CIBAR1: variants seen among roughly 807,000 people sequenced by gnomAD.
CIBAR1 encodes the protein CBY1-interacting BAR domain-containing protein 1.
CIBAR1 carries 25 observed loss-of-function variants against 44.0 expected under a neutral mutation model. The observed-to-expected ratio is 0.57, with a 90% CI of 0.41 to 0.79. The LOEUF (loss-of-function observed/expected upper bound fraction) is 0.79, where lower values mean the gene tolerates loss of function less well. Ranked by LOEUF, CIBAR1 falls within the 30% of genes least tolerant of loss-of-function variation. The probability of loss-of-function intolerance (pLI) is 0.00; values close to 1 mark genes in which losing one functional copy is unlikely to be tolerated. For missense variants in CIBAR1, 278 were observed against 344.8 expected (o/e 0.81, Z 1.53); for synonymous variants, 115 against 119.0 (o/e 0.97, Z 0.22).
intron 6 of CIBAR1, among the ~76,000 whole-genome samples, chr8:93,710,820 G>A (rs1195704772): frequency 7.1e-6 from 1 of 140,472 alleles, no homozygotes; most frequent in Admixed American, 7.5e-5. Flanking sequence ...CTGGGTGACA[G>A]AGCGAGACTC....
chr8:93,724,568 C>T (rs761721314), intron 7 of CIBAR1: 18 of 1,274,278 alleles, frequency 1.4e-5, no homozygotes, highest in South Asian at 7.5e-5. Context: ...TCAAGCGATC[C>T]GCCTGCGTTG....
In CIBAR1 at chr8:93,729,884, A is replaced by G. The variant is rs536517847; in HGVS notation, c.*1587A>G. 71 of 152,302 alleles carry G rather than the reference A, an allele frequency of 4.7e-4. No individual in the cohort carries two copies. The highest frequency in any genetic ancestry group is 1.7e-3 in the African/African-American group (71 of 41,566). 9.4% of individuals were successfully genotyped at this position (152,302 alleles called of 1,614,324 possible). ...TGTAAGTCTCCATCTCTTATCTCCA[A>G]AATAGGAATACAAATTGAGTATCCT... On this transcript the variant is annotated 3_prime_UTR_variant, in exon 9 of 9. Transcript: ENST00000518322.
chr8:93,705,232 G>C, intron 4 of CIBAR1: 1 of 427,272 alleles, frequency 2.3e-6, no homozygotes, highest in Non-Finnish European at 4.1e-6. Flanking sequence ...CTTTGCAAAC[G>C]AACAAACAAA....
intron 3 of CIBAR1, among the ~76,000 whole-genome samples, chr8:93,704,203 G>A (rs1194585518): frequency 6.6e-6 from 1 of 152,014 alleles, no homozygotes; most frequent in Non-Finnish European, 1.5e-5. Context: ...CATTATTATG[G>A]AAACTTTAAA....
At chr8:93,719,228 T>A (rs373811763) in intron 7 of CIBAR1, among the ~76,000 whole-genome samples, 2 of 152,188 alleles carry the variant, frequency 1.3e-5, no homozygotes, top group East Asian at 1.9e-4. Context: ...TAGATGAACT[T>A]TTATGATTTT....
chr8:93,711,010 C>CA (rs1554604992), intron 6 of CIBAR1, among the ~76,000 whole-genome samples: 1 of 152,024 alleles, frequency 6.6e-6, no homozygotes, highest in Non-Finnish European at 1.5e-5. Context: ...AATAAGTAAA[C>CA]AGGGTAATAG....
chr8:93,708,191 T>C (rs1458683384), intron 5 of CIBAR1, among the ~76,000 whole-genome samples, 175 bp downstream of exon 5: 2 of 152,198 alleles, frequency 1.3e-5, no homozygotes, highest in East Asian at 3.8e-4. Context: ...TAAATGATGA[T>C]ATATGTGACT....
At position 93,727,335 on chromosome 8, in the gene CIBAR1, T is replaced by C. The variant is rs7841747; in HGVS notation, c.777+822T>C. On this transcript the variant is annotated intron_variant, in intron 8 of 8. Transcript: ENST00000518322. Reference sequence around the variant, plus strand: ...TGTATGTATCTCTCCCCCAACCCAATTGTATTTTTTTTATTCCGGCATTAA... The same window carrying C: ...TGTATGTATCTCTCCCCCAACCCAACTGTATTTTTTTTATTCCGGCATTAA... 9.7e-3 allele frequency: 5,061 copies of C among 521,068 alleles called. 67 individuals carry two copies. Among genetic ancestry groups the C allele is most frequent in the South Asian group, 0.041 (2,023 of 48,988 alleles). 32.3% of individuals were successfully genotyped at this position (521,068 alleles called of 1,614,324 possible).
intron 6 of CIBAR1, 91 bp downstream of exon 6, chr8:93,709,966 CATA>C (rs953742606): frequency 7.0e-5 from 62 of 890,806 alleles, no homozygotes; most frequent in Non-Finnish European, 1.1e-4. Context: ...TTTTTTAGCC[CATA>C]ATACCCCTTA....
At chr8:93,727,851 CCTT>C (rs1251386454) in intron 8 of CIBAR1, among the ~76,000 whole-genome samples, 2 of 152,146 alleles carry the variant, frequency 1.3e-5, no homozygotes, top group African/African-American at 2.4e-5. Context: ...GCTGAAATAT[CCTT>C]CTATTTTTGC....
At chr8:93,728,174 T>G in intron 8 of CIBAR1, 31 bp from the exon 9 acceptor site, 1 of 1,404,336 alleles carries the variant, frequency 7.1e-7, no homozygotes, top group Non-Finnish European at 9.5e-7. Context: ...GTTAGTATTT[T>G]TATTTTAAAA....
chr8:93,709,973 C>A, intron 6 of CIBAR1, 98 bp downstream of exon 6: 1 of 845,888 alleles, frequency 1.2e-6, no homozygotes, highest in Non-Finnish European at 1.9e-6. Context: ...GCCCATAATA[C>A]CCCTTATAAA....
At chr8:93,719,140 A>G (rs1181527224) in intron 7 of CIBAR1, among the ~76,000 whole-genome samples, 1 of 152,200 alleles carries the variant, frequency 6.6e-6, no homozygotes, top group Non-Finnish European at 1.5e-5. Context: ...CTGGGATTAC[A>G]GGCATGAACC....
intron 6 of CIBAR1, among the ~76,000 whole-genome samples, chr8:93,710,264 G>A (rs1486696812): frequency 2.6e-5 from 4 of 151,884 alleles, no homozygotes; most frequent in Non-Finnish European, 4.4e-5. Context: ...TCCAGCCTGG[G>A]CAACAGAGCC....
chr8:93,710,056 A>C (rs1810760770), intron 6 of CIBAR1, among the ~76,000 whole-genome samples, 181 bp downstream of exon 6: 1 of 152,062 alleles, frequency 6.6e-6, no homozygotes, highest in South Asian at 2.1e-4. Context: ...AGGCCAAGGC[A>C]GGTGGATCAG....
chr8:93,708,583 C>T (rs1386797997), intron 5 of CIBAR1, among the ~76,000 whole-genome samples: 6 of 152,046 alleles, frequency 3.9e-5, no homozygotes, highest in African/African-American at 9.7e-5. Context: ...GTTAGACTTG[C>T]CATCTAATTT....
At chr8:93,725,495 A>C (rs1382077766) in intron 7 of CIBAR1, among the ~76,000 whole-genome samples, 2 of 152,140 alleles carry the variant, frequency 1.3e-5, no homozygotes, top group African/African-American at 4.8e-5. Flanking sequence ...GGAGGTGAAA[A>C]GCTCAATTGT....
rs563268793 is a variant in CIBAR1 at position 93,706,383 on chromosome 8, C to G, written c.432+1373C>G. Among the ~76,000 whole-genome samples the G allele has an allele frequency of 2.1e-4, 24 of 117,024 alleles. No homozygotes were observed. The South Asian group carries it at 6.4e-3, about 31-fold the overall frequency. The allele number at this position is 117,024 out of a possible 152,430, so 76.8% of individuals were successfully genotyped here. On this transcript the variant is annotated intron_variant, in intron 4 of 8. Coordinates refer to ENST00000518322, the MANE Select transcript of CIBAR1 (RefSeq NM_145269.5). ...ATGCTGGAAAATTTATGACTGATAA[C>G]TAGAGATCAAGGCAGAGGCTATGGG... is the stretch of plus-strand genomic sequence containing the variant.
At chr8:93,728,074 TA>T (rs1036880957) in intron 8 of CIBAR1, 130 bp from the exon 9 acceptor site, 19 of 486,898 alleles carry the variant, frequency 3.9e-5, no homozygotes, top group African/African-American at 3.7e-4. Context: ...TTTTCACTAC[TA>T]AAAATTATGA....
Sources: gnomAD v4.1 joint callset for allele counts (sites outside exome capture counted in the v4.1 genomes callset) on GRCh38, gnomAD v4.1.1 for gene constraint, MANE v1.5 for transcripts, NCBI Gene and HGNC (gene_info 2026-07-23, HGNC 2026-07-21) for gene names.